CPED1: variants seen among roughly 807,000 people sequenced by gnomAD.
CPED1 encodes the protein cadherin like and PC-esterase domain containing 1, also known as cadherin-like and PC-esterase domain-containing protein 1.
In CPED1, 114 loss-of-function variants were observed where a neutral mutation model predicts 128.2. The ratio of observed to expected loss-of-function variants is 0.89; its 90% CI spans 0.76 to 1.04. The LOEUF (loss-of-function observed/expected upper bound fraction) is 1.04, where lower values mean the gene tolerates loss of function less well. CPED1 is among the 50% of genes least tolerant of loss of function. The pLI is 0.00. For synonymous variants in CPED1, 462 were observed against 426.7 expected (o/e 1.08, Z -1.02); for missense variants, 1,211 against 1,207.1 (o/e 1.00, Z -0.05).
chr7:121,141,058 A>G, intron 15 of CPED1, 45 bp downstream of exon 15: 1 of 1,456,202 alleles, frequency 6.9e-7, no homozygotes, highest in East Asian at 2.5e-5. Context: ...TATACTGGGA[A>G]GTAGACATTT....
chr7:121,212,549 C>T (rs1483772153), intron 16 of CPED1, among the ~76,000 whole-genome samples: 8 of 151,986 alleles, frequency 5.3e-5, no homozygotes, highest in Non-Finnish European at 1.0e-4. Flanking sequence ...AACACTGTGT[C>T]CAGAGCAATC....
At chr7:121,112,993 T>C (rs1393763656) in intron 7 of CPED1, among the ~76,000 whole-genome samples, 1 of 152,216 alleles carries the variant, frequency 6.6e-6, no homozygotes, top group East Asian at 1.9e-4. Flanking sequence ...TGATGACTTC[T>C]CGACTAAAAG....
In CPED1 at chr7:121,100,081, G is replaced by T. The variant is rs375819148; in HGVS notation, c.905G>T (p.Arg302Leu). 4.2e-5 allele frequency: 67 copies of T among 1,613,068 alleles called. No individual in the cohort carries two copies. Among genetic ancestry groups the T allele is most frequent in the Non-Finnish European group, 5.5e-5 (65 of 1,179,584 alleles). The change falls in exon 7 of 23, where the codon CGC becomes CTC. Residue 302 changes from arginine to leucine, a missense_variant. Transcript: ENST00000310396. ...GTVWNPPKKK[R>L]FTVKLQTFFE... is the part of the protein sequence containing the mutation. ...GTTTGGAATCCACCAAAGAAAAAAC[G>T]CTTCACTGTCAAGGTAAGCTCTCGG...
chr7:121,243,587 A>G (rs1250480935), intron 17 of CPED1, among the ~76,000 whole-genome samples: 1 of 152,214 alleles, frequency 6.6e-6, no homozygotes, highest in Admixed American at 6.5e-5. Flanking sequence ...TGTTACACCA[A>G]TCATGTGAGA....
intron 16 of CPED1, among the ~76,000 whole-genome samples, chr7:121,184,915 C>T (rs571165219): frequency 6.6e-6 from 1 of 152,194 alleles, no homozygotes; most frequent in South Asian, 2.1e-4. Flanking sequence ...ATAATTGTTG[C>T]TATGTCTGGA....
chr7:121,204,831 C>T (rs1439996922), intron 16 of CPED1, among the ~76,000 whole-genome samples: 1 of 152,016 alleles, frequency 6.6e-6, no homozygotes, highest in Admixed American at 6.6e-5. Context: ...TTATATAGTC[C>T]TCTCTGTGCA....
intron 16 of CPED1, among the ~76,000 whole-genome samples, chr7:121,221,343 T>G (rs1261434830): frequency 6.6e-6 from 1 of 152,204 alleles, no homozygotes; most frequent in African/African-American, 2.4e-5. Flanking sequence ...TGTGCCACAT[T>G]TTCTTAATCT....
At chr7:121,173,712 T>C (rs780556421) in intron 16 of CPED1, among the ~76,000 whole-genome samples, 7 of 152,174 alleles carry the variant, frequency 4.6e-5, no homozygotes, top group Non-Finnish European at 7.4e-5. Context: ...CGTGTCTTTA[T>C]GGTAGAATGA....
intron 2 of CPED1, among the ~76,000 whole-genome samples, chr7:120,995,481 T>C (rs749138187): frequency 1.1e-4 from 16 of 152,224 alleles, no homozygotes; most frequent in Non-Finnish European, 2.2e-4. Context: ...TTTTATACTT[T>C]TCCTTGATGA....
At chr7:121,264,278 T>C (rs1792080577) in intron 18 of CPED1, among the ~76,000 whole-genome samples, 1 of 152,108 alleles carries the variant, frequency 6.6e-6, no homozygotes, top group Non-Finnish European at 1.5e-5. Flanking sequence ...CTAATGGAGT[T>C]GCATAACTGC....
chr7:121,220,133 A>C (rs1035215145), intron 16 of CPED1, among the ~76,000 whole-genome samples: 1 of 152,074 alleles, frequency 6.6e-6, no homozygotes, highest in African/African-American at 2.4e-5. Context: ...TTAGAGACTT[A>C]CCTGGTAATA....
At chr7:121,230,984 G>A (rs778757045) in intron 16 of CPED1, among the ~76,000 whole-genome samples, 1 of 152,056 alleles carries the variant, frequency 6.6e-6, no homozygotes. Context: ...ATGACTATGT[G>A]TCTGGAAGCC....
At chr7:121,248,594 C>CAAAAAAAAA (rs36015608) in intron 18 of CPED1, among the ~76,000 whole-genome samples, 1 of 118,444 alleles carries the variant, frequency 8.4e-6, no homozygotes. Flanking sequence ...CCCTGTGAAA[C>CAAAAAAAAA]AAAAAAAAAA....
chr7:121,146,382 C>CA (rs1386942922), intron 16 of CPED1, among the ~76,000 whole-genome samples: 2 of 152,118 alleles, frequency 1.3e-5, no homozygotes, highest in African/African-American at 4.8e-5. Context: ...AATACCATCA[C>CA]AATGGGGATT....
chr7:121,046,542 CA>C (rs912795390), intron 3 of CPED1, among the ~76,000 whole-genome samples: 1 of 151,612 alleles, frequency 6.6e-6, no homozygotes, highest in East Asian at 1.9e-4. Flanking sequence ...CCCAAATCTA[CA>C]AAAAAAGACT....
intron 16 of CPED1, among the ~76,000 whole-genome samples, chr7:121,235,382 A>G (rs866626303): frequency 2.0e-5 from 3 of 152,158 alleles, no homozygotes; most frequent in Non-Finnish European, 4.4e-5. Flanking sequence ...GAAAATATGT[A>G]CACTGAATCA....
intron 16 of CPED1, among the ~76,000 whole-genome samples, chr7:121,193,995 G>T (rs1797205244): frequency 3.4e-5 from 3 of 87,408 alleles, no homozygotes; most frequent in South Asian, 5.2e-4. Flanking sequence ...GGATGAGCAA[G>T]CTCTCTCTCT....
chr7:121,131,915 C>T (rs993692542), intron 12 of CPED1, among the ~76,000 whole-genome samples: 7 of 150,640 alleles, frequency 4.6e-5, no homozygotes, highest in African/African-American at 1.5e-4. Flanking sequence ...ACTTTCCTTT[C>T]CATGTTTCTA....
chr7:121,248,625 C>T (rs987015286), intron 18 of CPED1, among the ~76,000 whole-genome samples: 7 of 146,282 alleles, frequency 4.8e-5, no homozygotes, highest in Non-Finnish European at 3.0e-5. Flanking sequence ...CATTAAGCCA[C>T]AAATAAAGAT....
Sources: gnomAD v4.1 joint callset for allele counts (sites outside exome capture counted in the v4.1 genomes callset) on GRCh38, gnomAD v4.1.1 for gene constraint, MANE v1.5 for transcripts, NCBI Gene and HGNC (gene_info 2026-07-23, HGNC 2026-07-21) for gene names.